ERCC6L2: variants seen among roughly 807,000 people sequenced by gnomAD.
ERCC6L2 encodes the protein ERCC excision repair 6 like 2.
Under a neutral mutation model 132.0 loss-of-function variants are expected in ERCC6L2, and 77 were observed. The observed-to-expected ratio is 0.58, with a 90% CI of 0.49 to 0.71. ERCC6L2 has a LOEUF of 0.71. Ranked by LOEUF, ERCC6L2 falls within the 30% of genes least tolerant of loss-of-function variation. The probability of loss-of-function intolerance (pLI) is 0.00; values close to 1 mark genes in which losing one functional copy is unlikely to be tolerated. For synonymous variants in ERCC6L2, 583 were observed against 632.4 expected (o/e 0.92, Z 1.17); for missense variants, 1,542 against 1,837.6 (o/e 0.84, Z 2.94).
At chr9:95,998,852 C>T (rs1360298536) in intron 17 of ERCC6L2, among the ~76,000 whole-genome samples, 1 of 152,134 alleles carries the variant, frequency 6.6e-6, no homozygotes, top group African/African-American at 2.4e-5. Flanking sequence ...GTACACTGCC[C>T]CCAACCCATA....
chr9:95,923,541 A>G (rs1006631672), intron 9 of ERCC6L2, among the ~76,000 whole-genome samples, 162 bp downstream of exon 9: 1 of 152,208 alleles, frequency 6.6e-6, no homozygotes. Flanking sequence ...CTAGGTCACT[A>G]TGAACCCCGA....
At chr9:95,898,226 G>A (rs1477589603) in intron 3 of ERCC6L2, among the ~76,000 whole-genome samples, 1 of 152,066 alleles carries the variant, frequency 6.6e-6, no homozygotes, top group African/African-American at 2.4e-5. Flanking sequence ...TTAATCTGTT[G>A]GTTGGCTGGA....
At position 95,881,938 on chromosome 9, in the gene ERCC6L2, C is replaced by T. The variant is rs542276050; in HGVS notation, c.471+645C>T. Among the ~76,000 whole-genome samples, 18 of 152,328 alleles carry T rather than the reference C, an allele frequency of 1.2e-4. No individual in the cohort carries two copies. In the South Asian group the frequency reaches 3.1e-3, roughly 26 times the overall value. On this transcript the variant is annotated intron_variant, in intron 2 of 18. Coordinates refer to ENST00000653738, the MANE Select transcript of ERCC6L2 (RefSeq NM_020207.7). ...TTCTGTGGGTTGGGAATCCAGCTGCCGCCTAGCCTGGTCCTGTAGCTTTGC... is the reference window on the plus strand; with the variant it reads ...TTCTGTGGGTTGGGAATCCAGCTGCTGCCTAGCCTGGTCCTGTAGCTTTGC...
Position 95,915,751 on chromosome 9 carries a change from T to A in ERCC6L2, c.872T>A (p.Leu291Ter), listed in dbSNP as rs1829553276. Residue 291 changes from leucine to a stop codon, truncating the protein, a stop_gained, in exon 5 of 19, where the codon TTG (leucine) becomes TAG (stop). Coordinates refer to ENST00000653738, the MANE Select transcript of ERCC6L2 (RefSeq NM_020207.7). LOFTEE classifies it high-confidence loss of function. Reference protein sequence around the residue: ...KARVTEVMKALKCNVRIGLTG... With the variant: ...KARVTEVMKA Reference sequence around the variant, plus strand: ...AGAGTAACAGAAGTTATGAAAGCTTTGAAATGTAATGTCCGCATTGGCCTC... The same window carrying A: ...AGAGTAACAGAAGTTATGAAAGCTTAGAAATGTAATGTCCGCATTGGCCTC... 6.2e-7 allele frequency: 1 copy of A among 1,614,038 alleles called. No individual in the cohort carries two copies. Among genetic ancestry groups the A allele is most frequent in the South Asian group, 1.1e-5 (1 of 91,074 alleles).
In ERCC6L2 at chr9:95,929,902, C is replaced by G. The variant is rs78211474; in HGVS notation, c.1751+1038C>G. On this transcript the variant is annotated intron_variant, in intron 11 of 18. Transcript: ENST00000653738. Reference sequence around the variant, plus strand: ...ATAATGACAAGCAGTAGTCTCTTATCCTTCTTCTGCTCACTTCCAGCTCAT... The same window carrying G: ...ATAATGACAAGCAGTAGTCTCTTATGCTTCTTCTGCTCACTTCCAGCTCAT... Among the ~76,000 whole-genome samples, 622 of 152,274 alleles carry G rather than the reference C, an allele frequency of 4.1e-3. 7 individuals carry two copies. The highest frequency in any genetic ancestry group is 0.014 in the African/African-American group (593 of 41,556).
intron 12 of ERCC6L2, among the ~76,000 whole-genome samples, chr9:95,946,219 A>G (rs1467793343): frequency 2.0e-5 from 3 of 152,164 alleles, no homozygotes; most frequent in African/African-American, 7.2e-5. Context: ...GGGAAACTCC[A>G]TATTCCTCTC....
chr9:95,920,414 A>G (rs1215700219), intron 6 of ERCC6L2, among the ~76,000 whole-genome samples: 1 of 152,198 alleles, frequency 6.6e-6, no homozygotes, highest in Admixed American at 6.5e-5. Flanking sequence ...TATCGTAAGA[A>G]TATAATATAT....
intron 17 of ERCC6L2, among the ~76,000 whole-genome samples, chr9:96,001,223 A>G (rs896852653): frequency 3.2e-4 from 48 of 152,186 alleles, no homozygotes; most frequent in Admixed American, 3.3e-4. Flanking sequence ...GCAAAGAGCG[A>G]AAGAACAAAT....
chr9:95,994,335 G>T (rs1030582068), intron 17 of ERCC6L2, among the ~76,000 whole-genome samples: 15 of 152,180 alleles, frequency 9.9e-5, no homozygotes, highest in Admixed American at 2.0e-4. Flanking sequence ...TAGCTTCTCA[G>T]TGGGTCAGAG....
chr9:95,945,800 AGTTGT>A (rs1831031668), intron 12 of ERCC6L2, among the ~76,000 whole-genome samples: 1 of 152,198 alleles, frequency 6.6e-6, no homozygotes, highest in African/African-American at 2.4e-5. Flanking sequence ...GGAAATATAT[AGTTGT>A]GTTGGGAAGA....
chr9:95,885,031 C>T (rs990690709), intron 2 of ERCC6L2, among the ~76,000 whole-genome samples: 2 of 152,162 alleles, frequency 1.3e-5, no homozygotes, highest in Non-Finnish European at 2.9e-5. Context: ...ACATGTACTT[C>T]TGTAAACACA....
rs3118725 is a variant in ERCC6L2 at position 96,001,412 on chromosome 9, G to A, written c.3493-3108G>A. 8.6e-5 allele frequency among the ~76,000 whole-genome samples: 13 copies of A among 151,890 alleles called. 2 individuals are homozygous for A. Among genetic ancestry groups the A allele is most frequent in the Admixed American group, 3.9e-4 (6 of 15,280 alleles). On this transcript the variant is annotated intron_variant, in intron 17 of 18. Transcript: ENST00000653738. ...TGAGCTAGATACAAAGGTTCTCCACGTCCCCATCAGATTAGTTAGATACAG... is the reference window on the plus strand; with the variant it reads ...TGAGCTAGATACAAAGGTTCTCCACATCCCCATCAGATTAGTTAGATACAG...
chr9:95,974,256 G>A (rs116721706), intron 16 of ERCC6L2, among the ~76,000 whole-genome samples: 1,735 of 152,100 alleles, frequency 0.011, 40 homozygotes, highest in African/African-American at 0.039. Context: ...ACCCAGTGGC[G>A]CAGTTCATAT....
chr9:96,034,732 C>T (rs1454055696), intron 19 of ERCC6L2, among the ~76,000 whole-genome samples: 1 of 150,790 alleles, frequency 6.6e-6, no homozygotes, highest in East Asian at 2.0e-4. Context: ...GCTGCAGCTG[C>T]CCAAGCTGCA....
At chr9:95,876,356 A>G (rs1827269110) in intron 1 of ERCC6L2, 1 of 408,864 alleles carries the variant, frequency 2.4e-6, no homozygotes, top group Non-Finnish European at 4.4e-6. Flanking sequence ...AACTGGGTTC[A>G]TTACTAGGTT....
intron 3 of ERCC6L2, among the ~76,000 whole-genome samples, chr9:95,899,655 A>G (rs1240459278): frequency 1.4e-5 from 2 of 145,892 alleles, no homozygotes; most frequent in African/African-American, 5.2e-5. Context: ...TATGCGATGT[A>G]TCATATCACA....
intron 6 of ERCC6L2, chr9:95,918,345 T>C (rs1368937171): frequency 2.7e-6 from 1 of 375,094 alleles, no homozygotes; most frequent in Admixed American, 3.1e-5. Flanking sequence ...TGACACGATG[T>C]TTCTAACAGG....
chr9:95,944,954 G>A (rs180990241), intron 12 of ERCC6L2, among the ~76,000 whole-genome samples: 15 of 152,256 alleles, frequency 9.9e-5, no homozygotes, highest in Admixed American at 6.5e-5. Context: ...CCACAGGACC[G>A]GGGCGAAATT....
At chr9:95,902,959 A>G (rs1004961743) in intron 3 of ERCC6L2, among the ~76,000 whole-genome samples, 1 of 151,966 alleles carries the variant, frequency 6.6e-6, no homozygotes, top group Admixed American at 6.5e-5. Flanking sequence ...TGAATTATTT[A>G]TTGATTTTTT....
Sources: gnomAD v4.1 joint callset for allele counts (sites outside exome capture counted in the v4.1 genomes callset) on GRCh38, gnomAD v4.1.1 for gene constraint, MANE v1.5 for transcripts, NCBI Gene and HGNC (gene_info 2026-07-23, HGNC 2026-07-21) for gene names.